Variants in ATP7A observed in about 807,000 individuals in gnomAD.
ATP7A encodes the protein ATPase copper transporting alpha, also known as copper-transporting ATPase 1.
Under a neutral mutation model 83.5 loss-of-function variants are expected in ATP7A, and 7 were observed. The ratio of observed to expected loss-of-function variants is 0.08; its 90% CI spans 0.05 to 0.16. The LOEUF (loss-of-function observed/expected upper bound fraction) is 0.16. Ranked by LOEUF, ATP7A falls within the 10% of genes least tolerant of loss-of-function variation. ATP7A has a pLI of 1.00. For synonymous variants in ATP7A, 354 were observed against 395.2 expected (o/e 0.90, Z 1.24); for missense variants, 940 against 1,120.8 (o/e 0.84, Z 2.30).
rs782131565 is a variant in ATP7A at position 78,046,505 on chromosome X, A to G, written c.4438A>G (p.Ser1480Gly). Residue 1480 changes from serine (S) to glycine (G), a missense_variant, in exon 23 of 23, where the codon AGT becomes GGT. Ser to Gly is a moderately conservative substitution (Grantham distance 56). This residue lies in a region of ATP7A where 386 missense variants were observed against 502.2 expected (regional missense o/e 0.77). Transcript: ENST00000341514. ...DKRSLNSVVT[S>G]EPDKHSLLVG... The stretch of plus-strand genomic sequence containing the variant: ...ACGCTCCCTAAACAGTGTTGTTACC[A>G]GTGAACCTGACAAGCACTCACTCCT... The G allele has an allele frequency of 4.1e-6, 5 of 1,209,613 alleles. No individual in the cohort carries two copies. The highest frequency in any genetic ancestry group is 3.5e-5 in the African/African-American group (2 of 57,038).
chrX:77,998,813 G>A, intron 5 of ATP7A, 129 bp downstream of exon 5: 2 of 729,615 alleles, frequency 2.7e-6, no homozygotes, highest in Non-Finnish European at 4.2e-6. Flanking sequence ...AGTAATGTGT[G>A]GGACAACCCC....
chrX:77,988,377 G>T lies in ATP7A; in HGVS notation c.256G>T (p.Asp86Tyr). Residue 86 changes from aspartate to tyrosine, a missense_variant, in exon 3 of 23, where the codon GAC becomes TAC. Asp to Tyr is a radical substitution (Grantham distance 160). Around this residue, in one of 3 missense-constraint regions of ATP7A, gnomAD observed 350 missense variants for 432.8 expected, o/e 0.81. Coordinates refer to ENST00000341514, the MANE Select transcript of ATP7A (RefSeq NM_000052.7). The stretch of plus-strand genomic sequence containing the variant: ...TCCTGACCCTCTCCCTGTTTTAACT[G>T]ACACCTTGTTTCTGACTGTTACGGC... The part of the protein sequence containing the change: ...HNPDPLPVLT[D>Y]TLFLTVTASL... 1 of 1,211,335 alleles carries T rather than the reference G, an allele frequency of 8.3e-7. No homozygotes were observed. The highest frequency in any genetic ancestry group is 1.1e-6 in the Non-Finnish European group (1 of 895,278).
At position 77,945,343 on chromosome X, in the gene ATP7A, A is replaced by G. The variant is rs1005847015; in HGVS notation, c.-21-26278A>G. 4.6e-5 allele frequency among the ~76,000 whole-genome samples: 5 copies of G among 109,250 alleles called. No individual in the cohort carries two copies. In the South Asian group the frequency reaches 1.6e-3, roughly 34 times the overall value. The allele number at this position is 109,250 out of a possible 115,157, so 94.9% of individuals were successfully genotyped here. A position where few individuals can be genotyped will look rare whatever the true frequency, so the allele number is the denominator to read the frequency against. On this transcript the variant is annotated intron_variant, in intron 1 of 22. Transcript: ENST00000341514. ...CAGTCATTCACTACCACACCCAACT[A>G]ACTTTTTTGTATTTTTTGTAGAGGC...
chrX:77,925,317 G>A (rs2077235964), intron 1 of ATP7A, among the ~76,000 whole-genome samples: 1 of 111,610 alleles, frequency 9.0e-6, no homozygotes, highest in African/African-American at 3.3e-5. Flanking sequence ...TTTCCTAAGA[G>A]GAAAGATAAC....
intron 5 of ATP7A, among the ~76,000 whole-genome samples, chrX:78,001,198 C>T (rs2077736593): frequency 9.0e-6 from 1 of 111,604 alleles, no homozygotes; most frequent in East Asian, 2.8e-4. Flanking sequence ...ATTAACTGAT[C>T]ACCTGAATTG....
At chrX:77,983,262 T>C (rs886836188) in intron 2 of ATP7A, among the ~76,000 whole-genome samples, 7 of 112,400 alleles carry the variant, frequency 6.2e-5, no homozygotes, top group African/African-American at 1.9e-4. Context: ...CATAGTTTTT[T>C]AGCTTATATA....
At chrX:77,967,502 T>C (rs1557228929) in intron 1 of ATP7A, among the ~76,000 whole-genome samples, 1 of 112,237 alleles carries the variant, frequency 8.9e-6, no homozygotes, top group African/African-American at 3.2e-5. Flanking sequence ...TCTGATGATC[T>C]GTGATGTTGA....
chrX:77,931,714 C>T lies in ATP7A; in HGVS notation c.-22+20879C>T, dbSNP rs782040325. 7.6e-3 allele frequency among the ~76,000 whole-genome samples: 793 copies of T among 104,485 alleles called. 9 individuals carry two copies. Among genetic ancestry groups the T allele is most frequent in the African/African-American group, 0.024 (693 of 28,442 alleles). 90.7% of individuals were successfully genotyped at this position (104,485 alleles called of 115,157 possible). ...GGGGCTCCTCACTTCCCAGTAGGGG[C>T]GGCTGGGCAGAGGCACCCCTCACCT... On this transcript the variant is annotated intron_variant, in intron 1 of 22. Coordinates refer to ENST00000341514, the MANE Select transcript of ATP7A (RefSeq NM_000052.7).
chrX:78,009,223 C>T lies in ATP7A; in HGVS notation c.1829C>T (p.Pro610Leu), dbSNP rs781872960. The T allele has an allele frequency of 1.7e-6, 2 of 1,207,921 alleles. No homozygotes were observed. Among genetic ancestry groups the T allele is most frequent in the Admixed American group, 2.2e-5 (1 of 45,496 alleles). ...AACAAAGCACATATTAAATATGACC[C>T]AGAAATTATTGGTCCTAGAGATATT... ...ATNKAHIKYD[P>L]EIIGPRDIIH... The change falls in exon 7 of 23, where the codon CCA (proline) becomes CTA (leucine). Residue 610 changes from proline to leucine, a missense_variant. Physicochemically the swap from Pro to Leu is moderately conservative, Grantham distance 98. Transcript: ENST00000341514.
intron 4 of ATP7A, among the ~76,000 whole-genome samples, chrX:77,990,856 G>T (rs1333210489): frequency 2.7e-5 from 3 of 111,835 alleles, no homozygotes; most frequent in Non-Finnish European, 3.8e-5. Flanking sequence ...ATCCTGATTA[G>T]AATGAAAGAT....
At chrX:77,996,533 C>T (rs909920137) in intron 4 of ATP7A, among the ~76,000 whole-genome samples, 1 of 111,698 alleles carries the variant, frequency 9.0e-6, no homozygotes, top group Non-Finnish European at 1.9e-5. Context: ...CTTACTGTCT[C>T]TGTGGAGGAT....
At chrX:78,012,405 C>CA (rs782573433) in intron 9 of ATP7A, among the ~76,000 whole-genome samples, 42 of 110,207 alleles carry the variant, frequency 3.8e-4, no homozygotes, top group African/African-American at 1.4e-3. Flanking sequence ...GAGTTTTATA[C>CA]AAAAAAATCC....
At chrX:77,970,806 G>A (rs782306033) in intron 1 of ATP7A, among the ~76,000 whole-genome samples, 1 of 112,406 alleles carries the variant, frequency 8.9e-6, no homozygotes, top group African/African-American at 3.2e-5. Flanking sequence ...ATTTGTGGGC[G>A]TATTTTAAAA....
intron 14 of ATP7A, among the ~76,000 whole-genome samples, chrX:78,026,617 A>G (rs1364586733): frequency 1.8e-5 from 2 of 112,134 alleles, no homozygotes; most frequent in African/African-American, 6.5e-5. Context: ...ACTCCACTCA[A>G]TAACCACAGA....
chrX:77,979,080 C>G (rs1003160515), intron 2 of ATP7A, among the ~76,000 whole-genome samples: 2 of 111,080 alleles, frequency 1.8e-5, no homozygotes, highest in Non-Finnish European at 3.8e-5. Context: ...GATCCGCCCC[C>G]CTTCACCTTC....
chrX:78,006,377 G>A (rs1418590982), intron 6 of ATP7A, among the ~76,000 whole-genome samples: 3 of 112,082 alleles, frequency 2.7e-5, no homozygotes, highest in Non-Finnish European at 5.6e-5. Context: ...AGTCATTAGG[G>A]ACTAAAATTA....
In ATP7A at chrX:78,050,381, T is replaced by C. The variant is rs1197606118; in HGVS notation, c.*3811T>C. ...GGATGTGCCTTCAACTTTATAATTA[T>C]AGTGTTGTAAAATATTTTTGTCTGT... On this transcript the variant is annotated 3_prime_UTR_variant, in exon 23 of 23. Coordinates refer to ENST00000341514, the MANE Select transcript of ATP7A (RefSeq NM_000052.7). 1.8e-5 allele frequency: 2 copies of C among 112,362 alleles called. No individual in the cohort carries two copies. The highest frequency in any genetic ancestry group is 2.8e-4 in the East Asian group (1 of 3,613). The allele number at this position is 112,362 out of a possible 1,213,427, so 9.3% of individuals were successfully genotyped here.
At chrX:77,969,234 G>A (rs782499300) in intron 1 of ATP7A, 39 of 1,212,163 alleles carry the variant, frequency 3.2e-5, no homozygotes, top group Non-Finnish European at 4.4e-5. Flanking sequence ...CCTTACTGAT[G>A]TTGCTGTAGA....
chrX:78,001,385 A>T (rs948702687), intron 5 of ATP7A, among the ~76,000 whole-genome samples: 1 of 111,812 alleles, frequency 8.9e-6, no homozygotes, highest in Non-Finnish European at 1.9e-5. Context: ...TGATACAAAC[A>T]TGCAATGCAT....
Sources: gnomAD v4.1 joint callset for allele counts (sites outside exome capture counted in the v4.1 genomes callset) on GRCh38, gnomAD v4.1.1 for gene constraint, gnomAD v4.1.1 regional missense constraint, MANE v1.5 for transcripts, NCBI Gene and HGNC (gene_info 2026-07-23, HGNC 2026-07-21) for gene names.